The following PEAK1 variants were observed in gnomAD, a reference collection of about 807,000 sequenced individuals.
PEAK1 encodes the protein pseudopodium enriched atypical kinase 1.
Under a neutral mutation model 124.7 loss-of-function variants are expected in PEAK1, and 54 were observed. That is an observed-to-expected ratio of 0.43 (90% CI 0.35 to 0.54). The LOEUF (loss-of-function observed/expected upper bound fraction) is 0.54. Ranked by LOEUF, PEAK1 falls within the 20% of genes least tolerant of loss-of-function variation. The pLI is 0.01. For synonymous variants in PEAK1, 719 were observed against 760.0 expected, an observed-to-expected ratio of 0.95 and a Z score of 0.89; for missense variants, 2,046 against 2,134.5, an observed-to-expected ratio of 0.96 and a Z score of 0.82.
intron 1 of PEAK1, chr15:77,419,470 C>A (rs888383616): frequency 1.0e-6 from 1 of 985,348 alleles, no homozygotes; most frequent in African/African-American, 1.7e-5. Flanking sequence ...GCTCCCCAGC[C>A]GCGGCGCGAA....
At chr15:77,331,153 G>C (rs933480297) in intron 2 of PEAK1, 6 of 468,874 alleles carry the variant, frequency 1.3e-5, no homozygotes, top group African/African-American at 1.1e-4. Flanking sequence ...ATTTTGAGAC[G>C]AAGTCTTGCT....
At chr15:77,355,345 A>G (rs776122408) in intron 2 of PEAK1, among the ~76,000 whole-genome samples, 1 of 152,234 alleles carries the variant, frequency 6.6e-6, no homozygotes, top group African/African-American at 2.4e-5. Context: ...CATACTTATT[A>G]TAAGTAAAAT....
At chr15:77,402,772 C>T (rs761359112) in intron 1 of PEAK1, 15 of 985,194 alleles carry the variant, frequency 1.5e-5, no homozygotes, top group Non-Finnish European at 1.8e-5. Flanking sequence ...CTGCACATGC[C>T]ATTTTATATG....
chr15:77,244,121 T>C (rs1213235722), intron 6 of PEAK1, among the ~76,000 whole-genome samples: 1 of 152,212 alleles, frequency 6.6e-6, no homozygotes. Flanking sequence ...TTTGGTAGTC[T>C]TAAAAAAAAT....
chr15:77,224,421 CTGTGCTTTCTTTT>C (rs2059537510), intron 6 of PEAK1, among the ~76,000 whole-genome samples: 1 of 151,964 alleles, frequency 6.6e-6, no homozygotes, highest in African/African-American at 2.4e-5. Flanking sequence ...GCCTTTCTTT[CTGTGCTTTCTTTT>C]CTCTTGCACT....
chr15:77,234,878 CGA>C (rs1355237737), intron 6 of PEAK1, among the ~76,000 whole-genome samples: 1 of 152,038 alleles, frequency 6.6e-6, no homozygotes, highest in Non-Finnish European at 1.5e-5. Context: ...TTCTTAGCCT[CGA>C]GAGATCCAAT....
At chr15:77,380,853 G>A (rs944076201) in intron 1 of PEAK1, among the ~76,000 whole-genome samples, 26 of 152,134 alleles carry the variant, frequency 1.7e-4, no homozygotes, top group African/African-American at 6.3e-4. Flanking sequence ...AGTAAGTGTT[G>A]CTGGAAACCC....
At chr15:77,367,685 A>T (rs544317460) in intron 1 of PEAK1, among the ~76,000 whole-genome samples, 1 of 152,242 alleles carries the variant, frequency 6.6e-6, no homozygotes, top group South Asian at 2.1e-4. Flanking sequence ...GGTAGTTTTC[A>T]TTTTTCCTTA....
rs564031217 is a variant in PEAK1, at chr15:77,388,220, A to G, written c.-665-22995T>C. Among the ~76,000 whole-genome samples the G allele has an allele frequency of 2.0e-5, 3 of 152,288 alleles. No homozygotes were observed. In the South Asian group the frequency reaches 6.2e-4, roughly 32 times the overall value. On this transcript the variant is annotated intron_variant, in intron 1 of 9. Transcript: ENST00000682557. The stretch of plus-strand genomic sequence containing the variant: ...AAAAAATAAAAACAACTTGAAAAGT[A>G]TATGCAACTGGATCACGCGTAAACT...
At chr15:77,196,348 A>G (rs1370332071) in intron 6 of PEAK1, among the ~76,000 whole-genome samples, 1 of 152,114 alleles carries the variant, frequency 6.6e-6, no homozygotes, top group Non-Finnish European at 1.5e-5. Context: ...GAATCCTACT[A>G]GGTACTCTTT....
chr15:77,333,283 T>C (rs1438789054), intron 2 of PEAK1: 1 of 957,824 alleles, frequency 1.0e-6, no homozygotes, highest in Non-Finnish European at 1.2e-6. Context: ...CTGTGCCGGA[T>C]TCAATCACTT....
At chr15:77,217,960 A>G (rs1044427258) in intron 6 of PEAK1, among the ~76,000 whole-genome samples, 2 of 152,154 alleles carry the variant, frequency 1.3e-5, no homozygotes, top group African/African-American at 4.8e-5. Context: ...ATTTTTGTCT[A>G]TTGACTGTGT....
intron 1 of PEAK1, among the ~76,000 whole-genome samples, chr15:77,389,277 A>AC (rs1474943875): frequency 6.6e-6 from 1 of 152,130 alleles, no homozygotes; most frequent in Non-Finnish European, 1.5e-5. Flanking sequence ...TGTATCATTT[A>AC]CAAGTTTTTA....
intron 8 of PEAK1, among the ~76,000 whole-genome samples, chr15:77,147,049 G>A (rs2054225053): frequency 6.6e-6 from 1 of 152,128 alleles, no homozygotes; most frequent in Non-Finnish European, 1.5e-5. Context: ...CTCAAAGTAA[G>A]TAAAATGAGA....
intron 6 of PEAK1, among the ~76,000 whole-genome samples, chr15:77,227,022 C>T (rs924683265): frequency 3.3e-5 from 5 of 152,146 alleles, no homozygotes; most frequent in African/African-American, 1.2e-4. Context: ...GTGCCTGTCA[C>T]AATCATCTGT....
In PEAK1 at chr15:77,135,242, G is replaced by A. The variant is rs545349743; in HGVS notation, c.3332-1492C>T. Among the ~76,000 whole-genome samples, 3 of 152,300 alleles carry A rather than the reference G, an allele frequency of 2.0e-5. No individual in the cohort carries two copies. In the East Asian group the frequency reaches 5.8e-4, roughly 29 times the overall value. ...TACTATTGTTCATATAGAGTAGAAG[G>A]TGCTGGATGGTGCTGAGGATGACAA... On this transcript the variant is annotated intron_variant, in intron 8 of 9. Transcript: ENST00000682557.
chr15:77,323,977 C>T (rs138244401), intron 2 of PEAK1, among the ~76,000 whole-genome samples: 20 of 152,220 alleles, frequency 1.3e-4, no homozygotes, highest in Admixed American at 1.1e-3. Flanking sequence ...AGAAATAATG[C>T]CACATATCTA....
At chr15:77,107,830 C>T (rs1020428106), downstream of PEAK1, 1 of 152,276 alleles carries the variant, frequency 6.6e-6, no homozygotes, top group Non-Finnish European at 1.5e-5. Context: ...GCAGTACAAA[C>T]CCAGGAAGCC....
At chr15:77,168,026 T>C (rs970034536) in intron 7 of PEAK1, among the ~76,000 whole-genome samples, 1 of 152,148 alleles carries the variant, frequency 6.6e-6, no homozygotes, top group African/African-American at 2.4e-5. Flanking sequence ...CTCAGAATGA[T>C]GGTTTCCAGC....
Sources: gnomAD v4.1 joint callset for allele counts (sites outside exome capture counted in the v4.1 genomes callset) on GRCh38, gnomAD v4.1.1 for gene constraint, MANE v1.5 for transcripts, NCBI Gene and HGNC (gene_info 2026-07-23, HGNC 2026-07-21) for gene names.